Variants in RPTOR observed in about 807,000 individuals in gnomAD.
RPTOR encodes regulatory associated protein of MTOR complex 1.
A neutral mutation model predicts 169.9 loss-of-function variants in RPTOR; 21 were observed. The ratio of observed to expected loss-of-function variants is 0.12; its 90% CI spans 0.09 to 0.18. The LOEUF is 0.18. RPTOR is among the 10% of genes least tolerant of loss of function. The pLI is 1.00. For missense variants in RPTOR, 1,133 were observed against 1,855.9 expected (o/e 0.61, Z 7.16); for synonymous variants, 732 against 753.2 (o/e 0.97, Z 0.46).
intron 24 of RPTOR, among the ~76,000 whole-genome samples, chr17:80,932,636 A>G (rs549554492): frequency 2.6e-5 from 4 of 152,186 alleles, no homozygotes; most frequent in Non-Finnish European, 5.9e-5. Flanking sequence ...AAATCAGTGA[A>G]TTTAAAGACA....
At chr17:80,594,009 A>G (rs1288662604) in intron 1 of RPTOR, among the ~76,000 whole-genome samples, 2 of 152,160 alleles carry the variant, frequency 1.3e-5, no homozygotes, top group Non-Finnish European at 2.9e-5. Flanking sequence ...GGAAGCATTT[A>G]GTGATATTGC....
intron 4 of RPTOR, among the ~76,000 whole-genome samples, chr17:80,718,248 A>G (rs1296350129): frequency 6.6e-6 from 1 of 152,156 alleles, no homozygotes; most frequent in Non-Finnish European, 1.5e-5. Context: ...GGTTTAGGAT[A>G]ATTTTTAATT....
intron 24 of RPTOR, among the ~76,000 whole-genome samples, chr17:80,927,201 A>G (rs2068820853): frequency 1.3e-5 from 2 of 152,234 alleles, no homozygotes; most frequent in Non-Finnish European, 2.9e-5. Context: ...GTCCTCTAGA[A>G]CTGCGGCCCA....
At chr17:80,834,966 G>A (rs1451258892) in intron 9 of RPTOR, among the ~76,000 whole-genome samples, 1 of 152,222 alleles carries the variant, frequency 6.6e-6, no homozygotes, top group Non-Finnish European at 1.5e-5. Flanking sequence ...AATCTTTATA[G>A]AGTTTAATTG....
intron 2 of RPTOR, among the ~76,000 whole-genome samples, chr17:80,634,177 G>GTGCATAC (rs2065465097): frequency 1.3e-5 from 2 of 150,110 alleles, no homozygotes; most frequent in African/African-American, 2.4e-5. Flanking sequence ...CATACTGTGT[G>GTGCATAC]TGTGCGCATA....
intron 21 of RPTOR, among the ~76,000 whole-genome samples, chr17:80,918,537 T>TGAGCACCCTCACGGGGGTCATAGCCAC (rs2068707288): frequency 9.4e-5 from 3 of 31,786 alleles, no homozygotes; most frequent in Non-Finnish European, 1.6e-4. Context: ...GTCATAGCCA[T>TGAGCACCCTCACGGGGGTCATAGCCAC]GAGCACCCTC....
rs2067366281 is a variant in RPTOR at position 80,820,312 on chromosome 17, A to G, written c.891-1889A>G. 6.6e-6 allele frequency among the ~76,000 whole-genome samples: 1 copy of G among 152,234 alleles called. No homozygotes were observed. Among genetic ancestry groups the G allele is most frequent in the East Asian group, 1.9e-4 (1 of 5,170 alleles). On this transcript the variant is annotated intron_variant, in intron 7 of 33. Transcript: ENST00000306801. This position sits in a 1 kb window ranked among gnomAD's most constrained non-coding sequence, Gnocchi z 4.1. ...TCATTTCATTAAAACGGTTTTCAGC[A>G]TATGTGTTTCTCATCTGCAGGTGTG...
intron 2 of RPTOR, among the ~76,000 whole-genome samples, chr17:80,632,500 C>T (rs1378913910): frequency 6.6e-6 from 1 of 152,216 alleles, no homozygotes; most frequent in Non-Finnish European, 1.5e-5. Context: ...CTCCATGCTT[C>T]TTTCTTGGTG....
chr17:80,863,393 A>G (rs2067942716), intron 13 of RPTOR, among the ~76,000 whole-genome samples: 1 of 152,218 alleles, frequency 6.6e-6, no homozygotes, highest in Non-Finnish European at 1.5e-5. Flanking sequence ...CCCGTAATGA[A>G]GAAAAGGAAA....
rs150647374 is a variant in RPTOR at position 80,773,597 on chromosome 17, T to C, written c.831-17853T>C. On this transcript the variant is annotated intron_variant, in intron 6 of 33. Transcript: ENST00000306801. The stretch of plus-strand genomic sequence containing the variant: ...GGCATTTTTTACACCGAGGACTTGG[T>C]TGGAACCGTTAACCAGTGGCTGGCT... 4.1e-3 allele frequency among the ~76,000 whole-genome samples: 628 copies of C among 152,296 alleles called. 2 individuals carry two copies. Among genetic ancestry groups the C allele is most frequent in the Non-Finnish European group, 6.6e-3 (448 of 68,030 alleles).
At chr17:80,645,510 T>A (rs1487826404) in intron 3 of RPTOR, among the ~76,000 whole-genome samples, 3 of 152,264 alleles carry the variant, frequency 2.0e-5, no homozygotes, top group Non-Finnish European at 4.4e-5. Flanking sequence ...ATACATGTGT[T>A]TAATATTTCA....
At chr17:80,949,374 A>G (rs541778666) in intron 27 of RPTOR, 69 bp from the exon 28 acceptor site, 1 of 1,320,882 alleles carries the variant, frequency 7.6e-7, no homozygotes, top group Admixed American at 1.7e-5. Context: ...GGCTCTTACC[A>G]CCACGCACAG....
At chr17:80,854,632 G>A (rs562752737) in intron 11 of RPTOR, among the ~76,000 whole-genome samples, 19 of 152,368 alleles carry the variant, frequency 1.2e-4, no homozygotes, top group Non-Finnish European at 2.5e-4. Context: ...GATGGCCCAC[G>A]CCTGTAATCC....
chr17:80,623,789 G>T (rs953291464), intron 1 of RPTOR, among the ~76,000 whole-genome samples: 1 of 152,166 alleles, frequency 6.6e-6, no homozygotes, highest in South Asian at 2.1e-4. Flanking sequence ...GCCCGCCTTG[G>T]CCTCCCAAAG....
At chr17:80,782,930 G>C (rs937654409) in intron 6 of RPTOR, among the ~76,000 whole-genome samples, 3 of 152,210 alleles carry the variant, frequency 2.0e-5, no homozygotes, top group African/African-American at 7.2e-5. Flanking sequence ...TCGCAAACAA[G>C]CTGGCTGTAA....
Position 80,960,264 on chromosome 17 carries a change from G to C in RPTOR, c.3605+59G>C. ...CTGGCAGGGTACCTTCCAGGTGGTA[G>C]GGCCGTGTCACTGCCATTTGGTTGG... On this transcript the variant is annotated intron_variant, in intron 30 of 33. Coordinates refer to ENST00000306801, the MANE Select transcript of RPTOR (RefSeq NM_020761.3). This position sits in a 1 kb window ranked among gnomAD's most constrained non-coding sequence, Gnocchi z 4.8. The C allele has an allele frequency of 6.2e-7, 1 of 1,603,530 alleles. No individual in the cohort carries two copies. Among genetic ancestry groups the C allele is most frequent in the African/African-American group, 1.3e-5 (1 of 74,868 alleles).
chr17:80,785,261 C>A (rs1299128003), intron 6 of RPTOR, among the ~76,000 whole-genome samples: 1 of 152,214 alleles, frequency 6.6e-6, no homozygotes, highest in Non-Finnish European at 1.5e-5. Context: ...AGAAAAGCAA[C>A]TACCAAAGGC....
intron 6 of RPTOR, among the ~76,000 whole-genome samples, chr17:80,756,175 G>A (rs998411446): frequency 6.8e-6 from 1 of 146,634 alleles, no homozygotes; most frequent in South Asian, 2.2e-4. Flanking sequence ...CACTGTCACA[G>A]GGGTAGGTTA....
chr17:80,903,739 G>T (rs1460994120), intron 20 of RPTOR, among the ~76,000 whole-genome samples: 1 of 152,168 alleles, frequency 6.6e-6, no homozygotes, highest in South Asian at 2.1e-4. Flanking sequence ...GAGACCCCCA[G>T]TAGTGAGTTC....
Sources: gnomAD v4.1 joint callset for allele counts (sites outside exome capture counted in the v4.1 genomes callset) on GRCh38, gnomAD v4.1.1 for gene constraint, Gnocchi (gnomAD v3.1) non-coding constraint, MANE v1.5 for transcripts, NCBI Gene and HGNC (gene_info 2026-07-23, HGNC 2026-07-21) for gene names.